The following RERE variants were observed in gnomAD, a reference collection of about 807,000 sequenced individuals.
RERE encodes the protein arginine-glutamic acid dipeptide repeats.
RERE carries 40 observed loss-of-function variants against 146.1 expected under a neutral mutation model. The observed-to-expected ratio is 0.27, with a 90% CI of 0.21 to 0.36. The LOEUF is 0.36. Ranked by LOEUF, RERE falls within the 10% of genes least tolerant of loss-of-function variation. The pLI is 1.00. For synonymous variants in RERE, 1,003 were observed against 866.0 expected (o/e 1.16, Z -2.78); for missense variants, 1,933 against 2,138.7 (o/e 0.90, Z 1.90).
chr1:8,361,920 CCATCCCAT>C (rs1319624033), intron 16 of RERE, 44 bp from the exon 17 acceptor site: 1 of 1,351,176 alleles, frequency 7.4e-7, no homozygotes, highest in Non-Finnish European at 1.1e-6. Context: ...CCAAGGGAGA[CCATCCCAT>C]CAGCCTCAGC....
Position 8,780,880 on chromosome 1 carries a change from C to T in RERE, c.-145+36280G>A, listed in dbSNP as rs551259510. 3.9e-5 allele frequency among the ~76,000 whole-genome samples: 6 copies of T among 152,288 alleles called. No individual in the cohort carries two copies. The East Asian group carries it at 1.2e-3, about 29-fold the overall frequency. On this transcript the variant is annotated intron_variant, in intron 1 of 22. Coordinates refer to ENST00000400908, the MANE Select transcript of RERE (RefSeq NM_001042681.2). ...ACTTGCCCTTCAACACCTACCTACA[C>T]CTCACTTCTCTGCCCCACACTCACA...
Position 8,656,338 on chromosome 1 carries a change from C to G in RERE, c.-41G>C. The G allele has an allele frequency of 1.3e-6, 2 of 1,578,940 alleles. No homozygotes were observed. Among genetic ancestry groups the G allele is most frequent in the Non-Finnish European group, 1.7e-6 (2 of 1,163,482 alleles). On this transcript the variant is annotated 5_prime_UTR_variant, in exon 2 of 23. Transcript: ENST00000400908. Reference sequence around the variant, plus strand: ...TTCTTCTGTCCTCTCACGGCTAGGCCTCCGTGAAAGGTAGACAGTAAGCCT... The same window carrying G: ...TTCTTCTGTCCTCTCACGGCTAGGCGTCCGTGAAAGGTAGACAGTAAGCCT...
At chr1:8,384,559 T>A (rs183195212) in intron 12 of RERE, among the ~76,000 whole-genome samples, 1 of 152,176 alleles carries the variant, frequency 6.6e-6, no homozygotes, top group African/African-American at 2.4e-5. Context: ...AGGTGAGCGG[T>A]TGTATGCTAA....
intron 1 of RERE, among the ~76,000 whole-genome samples, chr1:8,809,912 AT>A (rs1418148256): frequency 1.3e-5 from 2 of 152,216 alleles, no homozygotes; most frequent in Non-Finnish European, 1.5e-5. Context: ...AAGAAAAGGT[AT>A]TTAAGTGGTA....
At chr1:8,765,780 C>T (rs545197367) in intron 1 of RERE, among the ~76,000 whole-genome samples, 17 of 152,266 alleles carry the variant, frequency 1.1e-4, no homozygotes, top group African/African-American at 3.4e-4. Flanking sequence ...GGTGAAACCC[C>T]GTCTCTACTA....
At chr1:8,438,899 T>A (rs944606425) in intron 11 of RERE, among the ~76,000 whole-genome samples, 3 of 152,202 alleles carry the variant, frequency 2.0e-5, no homozygotes, top group Non-Finnish European at 2.9e-5. Flanking sequence ...ACAACAAAAC[T>A]CTCTAATTGA....
At chr1:8,544,407 G>A (rs1645834673) in intron 6 of RERE, among the ~76,000 whole-genome samples, 1 of 151,998 alleles carries the variant, frequency 6.6e-6, no homozygotes, top group South Asian at 2.1e-4. Flanking sequence ...TGCAGCAACA[G>A]GGAAATAAAC....
intron 8 of RERE, among the ~76,000 whole-genome samples, chr1:8,503,627 G>C (rs1645211262): frequency 6.6e-6 from 1 of 152,124 alleles, no homozygotes; most frequent in Non-Finnish European, 1.5e-5. Context: ...GTAGCAAAAG[G>C]ATGTATATTA....
chr1:8,446,614 C>T (rs1159560790), intron 11 of RERE, among the ~76,000 whole-genome samples: 2 of 152,182 alleles, frequency 1.3e-5, no homozygotes, highest in African/African-American at 2.4e-5. Context: ...CACTTTCAGG[C>T]ACACCAATCA....
At chr1:8,716,456 C>A (rs539832668) in intron 1 of RERE, among the ~76,000 whole-genome samples, 1 of 151,976 alleles carries the variant, frequency 6.6e-6, no homozygotes, top group Non-Finnish European at 1.5e-5. Context: ...GGCAACAGAG[C>A]AAGACTCTGT....
intron 12 of RERE, among the ~76,000 whole-genome samples, chr1:8,385,968 T>TAAAAAAAA (rs34493389): frequency 3.2e-4 from 3 of 9,484 alleles, no homozygotes; most frequent in Admixed American, 2.7e-3. Context: ...GACTCCGTCT[T>TAAAAAAAA]AAAAAAAAAA....
chr1:8,422,829 G>C, intron 11 of RERE, 22 bp from the exon 12 acceptor site: 4 of 1,591,328 alleles, frequency 2.5e-6, no homozygotes, highest in Non-Finnish European at 2.6e-6. Context: ...AGAAACAAAT[G>C]GGATGTAAAA....
chr1:8,649,110 G>A (rs1647469249), intron 2 of RERE, among the ~76,000 whole-genome samples: 1 of 152,120 alleles, frequency 6.6e-6, no homozygotes, highest in South Asian at 2.1e-4. Flanking sequence ...GCAAACTCCA[G>A]AAATCAATAT....
At chr1:8,649,729 CA>C (rs112009419) in intron 2 of RERE, among the ~76,000 whole-genome samples, 1,785 of 78,696 alleles carry the variant, frequency 0.023, 13 homozygotes, top group East Asian at 0.073. Flanking sequence ...GACTCCGTCT[CA>C]AAAAAAAAAA....
chr1:8,440,601 A>G (rs562916481), intron 11 of RERE, among the ~76,000 whole-genome samples: 24 of 142,308 alleles, frequency 1.7e-4, no homozygotes, highest in South Asian at 1.6e-3. Context: ...AAAAAAAAAA[A>G]AAAAGGCTGG....
chr1:8,627,607 A>G (rs1012702753), intron 2 of RERE, among the ~76,000 whole-genome samples: 5 of 151,640 alleles, frequency 3.3e-5, no homozygotes, highest in Admixed American at 1.3e-4. Flanking sequence ...CAAAAAAAAA[A>G]AAAAACCTGA....
Position 8,358,839 on chromosome 1 carries a change from G to A in RERE, c.3696C>T (p.Phe1232=), listed in dbSNP as rs141711704. Residue 1232 remains phenylalanine (F), a synonymous_variant, in exon 20 of 23, where the codon TTC becomes TTT. Transcript: ENST00000400908. ...CAGCAATGGTGGTTGGTGGTGGCTC[G>A]AAGGATGGCCGCATGTGGCCAGGAC... is the stretch of plus-strand genomic sequence containing the variant. ...LSGPGHMRPS[F]EPPPTTIAAV... is the part of the protein sequence containing the mutation. 5.3e-4 allele frequency: 851 copies of A among 1,607,146 alleles called. 4 individuals are homozygous for A. The African/African-American group carries it at 9.8e-3, about 19-fold the overall frequency.
chr1:8,497,663 A>C, intron 8 of RERE, 134 bp from the exon 9 acceptor site: 1 of 914,650 alleles, frequency 1.1e-6, no homozygotes, highest in Non-Finnish European at 1.7e-6. Flanking sequence ...AAATAACAAC[A>C]AAACCATGAG....
At chr1:8,663,103 G>A (rs1444535420) in intron 1 of RERE, among the ~76,000 whole-genome samples, 2 of 152,036 alleles carry the variant, frequency 1.3e-5, no homozygotes, top group African/African-American at 4.8e-5. Context: ...ATTTGGGCGG[G>A]GGTAAAATCT....
Sources: allele counts gnomAD v4.1 joint callset (sites outside exome capture counted in the v4.1 genomes callset), GRCh38; gene constraint gnomAD v4.1.1; transcripts MANE v1.5; gene names NCBI Gene and HGNC (gene_info 2026-07-23, HGNC 2026-07-21).